ANKS1B: variants seen among roughly 807,000 people sequenced by gnomAD.
ANKS1B encodes the protein ankyrin repeat and sterile alpha motif domain-containing protein 1B.
A neutral mutation model predicts 148.3 loss-of-function variants in ANKS1B; 36 were observed. That is an observed-to-expected ratio of 0.24 (90% confidence interval 0.19 to 0.32). The LOEUF (loss-of-function observed/expected upper bound fraction) is 0.32. ANKS1B is among the 10% of genes least tolerant of loss of function. The pLI is 1.00. For synonymous variants in ANKS1B, 542 were observed against 560.8 expected, an observed-to-expected ratio of 0.97 and a Z score of 0.47; for missense variants, 1,157 against 1,542.6, an observed-to-expected ratio of 0.75 and a Z score of 4.19.
intron 12 of ANKS1B, among the ~76,000 whole-genome samples, chr12:99,318,198 T>G (rs2084524084): frequency 6.6e-6 from 1 of 152,202 alleles, no homozygotes; most frequent in Non-Finnish European, 1.5e-5. Flanking sequence ...TTAGGGAGGA[T>G]TCCCTCTTTT....
intron 26 of ANKS1B, among the ~76,000 whole-genome samples, chr12:98,749,049 G>T: frequency 6.6e-6 from 1 of 152,144 alleles, no homozygotes; most frequent in East Asian, 1.9e-4. Context: ...CACCTGCTAT[G>T]GGCCTGGTTC....
chr12:99,222,691 C>T (rs1226723228), intron 14 of ANKS1B, among the ~76,000 whole-genome samples: 1 of 152,140 alleles, frequency 6.6e-6, no homozygotes, highest in Non-Finnish European at 1.5e-5. Flanking sequence ...TAATCATTTT[C>T]CAAATCTGGA....
At chr12:99,772,035 T>C (rs1057101466) in intron 8 of ANKS1B, among the ~76,000 whole-genome samples, 3 of 152,152 alleles carry the variant, frequency 2.0e-5, no homozygotes, top group African/African-American at 7.2e-5. Context: ...TAAAAGTGAC[T>C]ACAGATTTCT....
At chr12:99,466,837 C>G (rs1818745520) in intron 10 of ANKS1B, among the ~76,000 whole-genome samples, 1 of 151,860 alleles carries the variant, frequency 6.6e-6, no homozygotes, top group Middle Eastern at 3.4e-3. Flanking sequence ...CAGATGGATT[C>G]ACAGTCGAAT....
chr12:98,841,199 T>C (rs2099403948), intron 17 of ANKS1B, among the ~76,000 whole-genome samples: 1 of 152,152 alleles, frequency 6.6e-6, no homozygotes, highest in Admixed American at 6.6e-5. Context: ...GCTCTCAGTA[T>C]TGTAAAGGAA....
At chr12:99,718,017 C>T (rs1240940999) in intron 8 of ANKS1B, among the ~76,000 whole-genome samples, 3 of 150,354 alleles carry the variant, frequency 2.0e-5, no homozygotes, top group Non-Finnish European at 4.4e-5. Flanking sequence ...CATTCTCCTG[C>T]CTCAGCCTCC....
intron 8 of ANKS1B, among the ~76,000 whole-genome samples, chr12:99,746,757 G>T (rs1451200665): frequency 1.3e-5 from 2 of 152,194 alleles, no homozygotes; most frequent in Admixed American, 1.3e-4. Context: ...TCCCATCTGG[G>T]CATAGTCTTA....
intron 1 of ANKS1B, among the ~76,000 whole-genome samples, chr12:99,955,189 T>C (rs369790984): frequency 6.6e-6 from 1 of 152,168 alleles, no homozygotes; most frequent in East Asian, 1.9e-4. Context: ...GTCTGGCCTC[T>C]AACATAACCT....
chr12:99,572,572 AAC>A (rs2097469370), intron 9 of ANKS1B, among the ~76,000 whole-genome samples: 1 of 152,072 alleles, frequency 6.6e-6, no homozygotes, highest in African/African-American at 2.4e-5. Flanking sequence ...TTCAGTTTTA[AAC>A]ACAGTGTATA....
intron 9 of ANKS1B, among the ~76,000 whole-genome samples, chr12:99,617,551 C>T (rs1300079963): frequency 1.3e-5 from 2 of 152,068 alleles, no homozygotes; most frequent in African/African-American, 4.8e-5. Flanking sequence ...AAACCAAACA[C>T]CACACATGTT....
At chr12:99,698,415 C>T (rs989037405) in intron 8 of ANKS1B, among the ~76,000 whole-genome samples, 1 of 151,836 alleles carries the variant, frequency 6.6e-6, no homozygotes, top group Non-Finnish European at 1.5e-5. Flanking sequence ...ATGTGTGTTG[C>T]ACAAGCACAT....
intron 15 of ANKS1B, among the ~76,000 whole-genome samples, chr12:99,102,485 C>T (rs897484936): frequency 2.6e-4 from 40 of 151,960 alleles, no homozygotes; most frequent in Admixed American, 7.2e-4. Context: ...GGGTCATGCC[C>T]GTAATCCCAG....
chr12:98,944,350 G>A (rs1417034881), intron 17 of ANKS1B, among the ~76,000 whole-genome samples: 2 of 140,880 alleles, frequency 1.4e-5, no homozygotes, highest in East Asian at 2.2e-4. Context: ...CACATGACAC[G>A]CTGGCTCCTT....
intron 14 of ANKS1B, among the ~76,000 whole-genome samples, chr12:99,204,613 T>C (rs368654409): frequency 8.5e-5 from 13 of 152,220 alleles, no homozygotes; most frequent in African/African-American, 3.1e-4. Context: ...AATGCAGGCG[T>C]GTGCTTGAAT....
At chr12:98,825,695 T>C (rs2099243436) in intron 19 of ANKS1B, among the ~76,000 whole-genome samples, 1 of 152,202 alleles carries the variant, frequency 6.6e-6, no homozygotes, top group African/African-American at 2.4e-5. Flanking sequence ...AATGTGGCCT[T>C]AACCTTATTC....
intron 12 of ANKS1B, among the ~76,000 whole-genome samples, chr12:99,276,666 G>A (rs556802935): frequency 6.6e-6 from 1 of 152,204 alleles, no homozygotes; most frequent in Non-Finnish European, 1.5e-5. Context: ...GTGATATTTT[G>A]TTATGGCAGC....
intron 14 of ANKS1B, among the ~76,000 whole-genome samples, chr12:99,157,168 C>T (rs2076151698): frequency 1.3e-5 from 2 of 152,144 alleles, no homozygotes; most frequent in Non-Finnish European, 2.9e-5. Context: ...ATTCTAGTTG[C>T]TCAACATTAC....
chr12:99,025,740 G>A (rs2099948364), intron 17 of ANKS1B, among the ~76,000 whole-genome samples: 1 of 152,170 alleles, frequency 6.6e-6, no homozygotes, highest in Non-Finnish European at 1.5e-5. Context: ...TTAGTGACCT[G>A]CAGAGAAGTT....
At chr12:99,067,539 G>A (rs1338949763) in intron 16 of ANKS1B, among the ~76,000 whole-genome samples, 1 of 152,172 alleles carries the variant, frequency 6.6e-6, no homozygotes, top group Non-Finnish European at 1.5e-5. Flanking sequence ...ACCACAATAG[G>A]CTAGAGCAAG....
Sources: gnomAD v4.1 joint callset for allele counts (sites outside exome capture counted in the v4.1 genomes callset) on GRCh38, gnomAD v4.1.1 for gene constraint, MANE v1.5 for transcripts, NCBI Gene and HGNC (gene_info 2026-07-23, HGNC 2026-07-21) for gene names.